The following CYP8B1 variants were observed in gnomAD, a reference collection of about 807,000 sequenced individuals.
CYP8B1 encodes the protein 7-alpha-hydroxycholest-4-en-3-one 12-alpha-hydroxylase.
For missense variants in CYP8B1, 594 were observed against 643.7 expected (o/e 0.92, Z 0.84); for synonymous variants, 221 against 251.2 (o/e 0.88, Z 1.14).
Position 42,874,263 on chromosome 3 carries a change from G to A in CYP8B1, c.*48C>T. 2 of 1,552,312 alleles carry A rather than the reference G, an allele frequency of 1.3e-6. No homozygotes were observed. The highest frequency in any genetic ancestry group is 2.4e-5 in the South Asian group (2 of 83,708). On this transcript the variant is annotated 3_prime_UTR_variant, in exon 1 of 1. Transcript: ENST00000316161. The stretch of plus-strand genomic sequence containing the variant: ...TGCAGAGGGGTGAGAACAGGTGAGA[G>A]ATGCAATAGAACTCCTCTGGCCAGG...
chr3:42,873,592 A>G lies in CYP8B1; in HGVS notation c.*719T>C, dbSNP rs561842092. The stretch of plus-strand genomic sequence containing the variant: ...TTGGATATATTGGATTAAGTAAAGT[A>G]TATTATAAAAATGAATTGTTTCATT... On this transcript the variant is annotated 3_prime_UTR_variant, in exon 1 of 1. Transcript: ENST00000316161. 13 of 152,368 alleles carry G rather than the reference A, an allele frequency of 8.5e-5. No individual in the cohort carries two copies. Among genetic ancestry groups the G allele is most frequent in the Middle Eastern group, 3.4e-3 (1 of 294 alleles). The allele number at this position is 152,368 out of a possible 1,614,324, so 9.4% of individuals were successfully genotyped here. A position where few individuals can be genotyped will look rare whatever the true frequency, so the allele number is the denominator to read the frequency against.
rs751637637 is a variant in CYP8B1 at position 42,874,695 on chromosome 3, A to G, written c.1122T>C (p.Tyr374=). Residue 374 remains tyrosine (Y), a synonymous_variant, in exon 1 of 1, where the codon TAT becomes TAC. Transcript: ENST00000316161. The part of the protein sequence containing the change: ...YTLKMSSGQE[Y]LFRHGDILAL... ...CCAGGATGTCTCCATGGCGGAACAG[A>G]TACTCCTGCCCACTGGACATCTTCA... 6.2e-7 allele frequency: 1 copy of G among 1,613,634 alleles called. No homozygotes were observed. The highest frequency in any genetic ancestry group is 1.1e-5 in the South Asian group (1 of 91,048).
chr3:42,875,104 T>C lies in CYP8B1; in HGVS notation c.713A>G (p.Lys238Arg), dbSNP rs35764459. ...CTGGCTGTGGCTCACGGAGAGCATC[T>C]TGTGAAAGAGACGCTGGAGTCGGCC... ...EVGRLQRLFH[K>R]MLSVSHSQEK... is the part of the protein sequence containing the mutation. The change falls in exon 1 of 1, where the codon AAG becomes AGG. Residue 238 changes from lysine to arginine, a missense_variant. By Grantham distance (26) the Lys-to-Arg change is conservative. Coordinates refer to ENST00000316161, the MANE Select transcript of CYP8B1 (RefSeq NM_004391.3). The C allele has an allele frequency of 4.5e-3, 7,212 of 1,613,542 alleles. 179 individuals are homozygous for C. The African/African-American group carries it at 0.072, about 16-fold the overall frequency.
In CYP8B1 at chr3:42,874,183, G is replaced by T; in HGVS notation, c.*128C>A. The stretch of plus-strand genomic sequence containing the variant: ...GGAGAGAGCGAGGACAGGCAGAACA[G>T]AGGTAGGGGGTGCCACAGGACCAGA... On this transcript the variant is annotated 3_prime_UTR_variant, in exon 1 of 1. Transcript: ENST00000316161. The T allele has an allele frequency of 1.4e-6, 1 of 716,298 alleles. No individual in the cohort carries two copies. Among genetic ancestry groups the T allele is most frequent in the Non-Finnish European group, 2.3e-6 (1 of 435,500 alleles). 44.4% of individuals were successfully genotyped at this position (716,298 alleles called of 1,614,324 possible).
At position 42,874,973 on chromosome 3, in the gene CYP8B1, C is replaced by A. The variant is rs749289504; in HGVS notation, c.844G>T (p.Ala282Ser). 1 of 1,613,704 alleles carries A rather than the reference C, an allele frequency of 6.2e-7. No homozygotes were observed. The highest frequency in any genetic ancestry group is 1.7e-5 in the Admixed American group (1 of 59,980). Residue 282 changes from alanine (A) to serine (S), a missense_variant, in exon 1 of 1, where the codon GCC becomes TCC. Physicochemically the swap from Ala to Ser is moderately conservative, Grantham distance 99. Coordinates refer to ENST00000316161, the MANE Select transcript of CYP8B1 (RefSeq NM_004391.3). ...QDKFNFMMLW[A>S]SQGNTGPTSF... is the part of the protein sequence containing the mutation. ...GTAGGCCCCGTGTTCCCCTGGGAGG[C>A]CCAGAGCATCATGAAGTTGAACTTG...
rs1173689027 is a variant in CYP8B1, at chr3:42,874,924, AG to A, written c.892del (p.Leu298SerfsTer2). The stretch of plus-strand genomic sequence containing the variant: ...CCGAATAGCTTCTGGGTGCTTCAGG[AG>A]GTACAAGAGGGCCCAGAAAGAGGTA... ...GPTSFWALLY[L>X]LKHPEAIRAV... On this transcript the variant is annotated frameshift_variant, in exon 1 of 1. Transcript: ENST00000316161. LOFTEE classifies it low-confidence loss of function (END_TRUNC). The A allele has an allele frequency of 6.2e-7, 1 of 1,606,394 alleles. No homozygotes were observed. Among genetic ancestry groups the A allele is most frequent in the African/African-American group, 1.3e-5 (1 of 74,702 alleles).
At position 42,874,402 on chromosome 3, in the gene CYP8B1, A is replaced by C; in HGVS notation, c.1415T>G (p.Leu472Arg). Residue 472 changes from leucine to arginine, a missense_variant, in exon 1 of 1, where the codon CTA (leucine) becomes CGA (arginine). Leu to Arg is a moderately radical substitution (Grantham distance 102). Transcript: ENST00000316161. ...CCAGCGCTGCGGGTCAACATGGGGT[A>C]GTGGTGTGTCAGGGTCCACCAACTC... Reference protein sequence around the residue: ...DLELVDPDTPLPHVDPQRWGF... With the variant: ...DLELVDPDTPRPHVDPQRWGF... 6.2e-7 allele frequency: 1 copy of C among 1,614,128 alleles called. No homozygotes were observed. The highest frequency in any genetic ancestry group is 8.5e-7 in the Non-Finnish European group (1 of 1,180,018).
Position 42,875,594 on chromosome 3 carries a change from G to C in CYP8B1, c.223C>G (p.Gln75Glu). Reference sequence around the variant, plus strand: ...GGGTCCATGACGAAGGTGAAGTACTGGCCCCCTAGCTGCACTGTGAACACA... The same window carrying C: ...GGGTCCATGACGAAGGTGAAGTACTCGCCCCCTAGCTGCACTGTGAACACA... ...GDVFTVQLGG[Q>E]YFTFVMDPLS... Residue 75 changes from glutamine (Q) to glutamate (E), a missense_variant, in exon 1 of 1, where the codon CAG (glutamine) becomes GAG (glutamate). Coordinates refer to ENST00000316161, the MANE Select transcript of CYP8B1 (RefSeq NM_004391.3). 6.6e-7 allele frequency: 1 copy of C among 1,508,288 alleles called. No homozygotes were observed. Among genetic ancestry groups the C allele is most frequent in the African/African-American group, 1.4e-5 (1 of 71,542 alleles). The allele number at this position is 1,508,288 out of a possible 1,614,324, so 93.4% of individuals were successfully genotyped here.
In CYP8B1 at chr3:42,875,472, T is replaced by C. The variant is rs767421683; in HGVS notation, c.345A>G (p.Ser115=). The C allele has an allele frequency of 1.3e-6, 2 of 1,581,798 alleles. No individual in the cohort carries two copies. The highest frequency in any genetic ancestry group is 1.1e-5 in the South Asian group (1 of 87,208). ...KLVLKVFGYR[S]VQGDHEMIHS... is the part of the protein sequence containing the mutation. ...GTATCATCTCATGGTCCCCTTGCAC[T>C]GAACGGTATCCAAATACCTTCAGCA... The change falls in exon 1 of 1, where the codon TCA becomes TCG. Residue 115 remains serine (S), a synonymous_variant. Coordinates refer to ENST00000316161, the MANE Select transcript of CYP8B1 (RefSeq NM_004391.3).
rs1219452052 is a variant in CYP8B1 at position 42,874,139 on chromosome 3, C to G, written c.*172G>C. On this transcript the variant is annotated 3_prime_UTR_variant, in exon 1 of 1. Transcript: ENST00000316161. ...TGGTATTTTAAAGAGAATGATAAGC[C>G]TGTCAGATGACTAGGCGGGGAGAGA... 2 of 609,996 alleles carry G rather than the reference C, an allele frequency of 3.3e-6. No homozygotes were observed. The highest frequency in any genetic ancestry group is 5.8e-6 in the Non-Finnish European group (2 of 346,964). The allele number at this position is 609,996 out of a possible 1,614,324, so 37.8% of individuals were successfully genotyped here.
Position 42,874,748 on chromosome 3 carries a change from G to A in CYP8B1, c.1069C>T (p.Leu357Phe), listed in dbSNP as rs35637877. The part of the protein sequence containing the change: ...TLRLRAAPTL[L>F]RLVHEDYTLK... ...GTATAGTCTTCATGAACCAACCTGA[G>A]GAGGGTGGGTGCAGCCCTCAGCCGC... Residue 357 changes from leucine to phenylalanine, a missense_variant, in exon 1 of 1, where the codon CTC becomes TTC. By Grantham distance (22) the Leu-to-Phe change is conservative. Transcript: ENST00000316161. 3.7e-3 allele frequency: 5,981 copies of A among 1,614,040 alleles called. 215 individuals carry two copies. The African/African-American group carries it at 0.072, about 19-fold the overall frequency.
rs1450783238 is a variant in CYP8B1, at chr3:42,872,539, ACATCAGGTATGTGAAGG to A, written c.*1755_*1771del. 1 of 152,244 alleles carries A rather than the reference ACATCAGGTATGTGAAGG, an allele frequency of 6.6e-6. No individual in the cohort carries two copies. Among genetic ancestry groups the A allele is most frequent in the African/African-American group, 2.4e-5 (1 of 41,436 alleles). 9.4% of individuals were successfully genotyped at this position (152,244 alleles called of 1,614,324 possible). A position where few individuals can be genotyped will look rare whatever the true frequency, so the allele number is the denominator to read the frequency against. On this transcript the variant is annotated 3_prime_UTR_variant, in exon 1 of 1. Coordinates refer to ENST00000316161, the MANE Select transcript of CYP8B1 (RefSeq NM_004391.3). ...GGAGACTAACCGTGACAAAATTTAA[ACATCAGGTATGTGAAGG>A]CAAGGGGGACCAACTGTGACAAAAT...
chr3:42,872,760 G>T lies in CYP8B1; in HGVS notation c.*1551C>A, dbSNP rs1429329845. The T allele has an allele frequency of 6.6e-6, 1 of 152,444 alleles. No homozygotes were observed. Among genetic ancestry groups the T allele is most frequent in the Non-Finnish European group, 1.5e-5 (1 of 68,358 alleles). The allele number at this position is 152,444 out of a possible 1,614,324, so 9.4% of individuals were successfully genotyped here. On this transcript the variant is annotated 3_prime_UTR_variant, in exon 1 of 1. Coordinates refer to ENST00000316161, the MANE Select transcript of CYP8B1 (RefSeq NM_004391.3). ...ACATATTTCAGAGGCATCACAGGGG[G>T]GTGTACTGATAGGACGGGGGCCTGC...
Position 42,875,818 on chromosome 3 carries a change from G to C in CYP8B1, c.-2C>G. ...CAGCACTGGACCCCAGAGAACCATG[G>C]CTATGCTCCTGCGGATTAAGCTCTC... is the stretch of plus-strand genomic sequence containing the variant. On this transcript the variant is annotated 5_prime_UTR_variant, in exon 1 of 1. Transcript: ENST00000316161. 1 of 1,355,002 alleles carries C rather than the reference G, an allele frequency of 7.4e-7. No individual in the cohort carries two copies. The allele number at this position is 1,355,002 out of a possible 1,614,324, so 83.9% of individuals were successfully genotyped here.
At position 42,873,147 on chromosome 3, in the gene CYP8B1, C is replaced by A. The variant is rs974708361; in HGVS notation, c.*1164G>T. 1.3e-5 allele frequency: 2 copies of A among 152,118 alleles called. No homozygotes were observed. The highest frequency in any genetic ancestry group is 1.3e-4 in the Admixed American group (2 of 15,270). The allele number at this position is 152,118 out of a possible 1,614,324, so 9.4% of individuals were successfully genotyped here. On this transcript the variant is annotated 3_prime_UTR_variant, in exon 1 of 1. Coordinates refer to ENST00000316161, the MANE Select transcript of CYP8B1 (RefSeq NM_004391.3). ...CCTGTAATCCCAGAACTTTGGGAGG[C>A]CGAGGAGGCCGGCCAAAATGGTGAA...
rs781392490 is a variant in CYP8B1, at chr3:42,875,607, C to T, written c.210G>A (p.Val70=). The change falls in exon 1 of 1, where the codon GTG becomes GTA. Residue 70 remains valine, a synonymous_variant. Transcript: ENST00000316161. ...MRTKHGDVFT[V]QLGGQYFTFV... is the part of the protein sequence containing the mutation. ...AGGTGAAGTACTGGCCCCCTAGCTG[C>T]ACTGTGAACACATCCCCATGCTTGG... 3.3e-6 allele frequency: 5 copies of T among 1,499,540 alleles called. No homozygotes were observed. The South Asian group carries it at 4.2e-5, about 13-fold the overall frequency. 92.9% of individuals were successfully genotyped at this position (1,499,540 alleles called of 1,614,324 possible).
rs1559374180 is a variant in CYP8B1, at chr3:42,874,585, G to C, written c.1232C>G (p.Pro411Arg). ...TVFKYDRFLN[P>R]NGSRKVDFFK... ...GAAGTCCACTTTCCGGCTGCCATTA[G>C]GGTTGAGGAAGCGATCGTACTTGAA... is the stretch of plus-strand genomic sequence containing the variant. The change falls in exon 1 of 1, where the codon CCT becomes CGT. Residue 411 changes from proline to arginine, a missense_variant. Coordinates refer to ENST00000316161, the MANE Select transcript of CYP8B1 (RefSeq NM_004391.3). 3 of 1,614,136 alleles carry C rather than the reference G, an allele frequency of 1.9e-6. No individual in the cohort carries two copies. The highest frequency in any genetic ancestry group is 4.5e-5 in the East Asian group (2 of 44,866).
rs1481406704 is a variant in CYP8B1, at chr3:42,874,027, A to G, written c.*284T>C. Reference sequence around the variant, plus strand: ...CTCAGGACTTCTCAAGGCAGGCATCATCTCCCAAACCAAGTTGCCCACAGA... The same window carrying G: ...CTCAGGACTTCTCAAGGCAGGCATCGTCTCCCAAACCAAGTTGCCCACAGA... On this transcript the variant is annotated 3_prime_UTR_variant, in exon 1 of 1. Transcript: ENST00000316161. The G allele has an allele frequency of 4.5e-6, 2 of 447,282 alleles. No homozygotes were observed. The highest frequency in any genetic ancestry group is 8.1e-6 in the Non-Finnish European group (2 of 245,906). The allele number at this position is 447,282 out of a possible 1,614,324, so 27.7% of individuals were successfully genotyped here. A position where few individuals can be genotyped will look rare whatever the true frequency, so the allele number is the denominator to read the frequency against.
chr3:42,874,642 A>G lies in CYP8B1; in HGVS notation c.1175T>C (p.Met392Thr), dbSNP rs1309606085. 6.2e-7 allele frequency: 1 copy of G among 1,614,046 alleles called. No individual in the cohort carries two copies. Among genetic ancestry groups the G allele is most frequent in the Admixed American group, 1.7e-5 (1 of 60,010 alleles). The change falls in exon 1 of 1, where the codon ATG becomes ACG. Residue 392 changes from methionine to threonine, a missense_variant. Met to Thr is a moderately conservative substitution (Grantham distance 81). Coordinates refer to ENST00000316161, the MANE Select transcript of CYP8B1 (RefSeq NM_004391.3). ...LALFPYLSVH[M>T]DPDIHPEPTV... ...GGGCTCAGGGTGGATGTCAGGGTCCATGTGCACTGAGAGGTAGGGAAAGAG... is the reference window on the plus strand; with the variant it reads ...GGGCTCAGGGTGGATGTCAGGGTCCGTGTGCACTGAGAGGTAGGGAAAGAG...
Sources: allele counts gnomAD v4.1 joint callset, GRCh38; gene constraint gnomAD v4.1.1; transcripts MANE v1.5; gene names NCBI Gene and HGNC (gene_info 2026-07-23, HGNC 2026-07-21).